PTPRC: variants seen among roughly 807,000 people sequenced by gnomAD.
PTPRC encodes protein tyrosine phosphatase receptor type C.
PTPRC carries 44 observed loss-of-function variants against 155.9 expected under a neutral mutation model. The observed-to-expected ratio is 0.28, with a 90% CI of 0.22 to 0.36. The LOEUF (loss-of-function observed/expected upper bound fraction) is 0.36, where lower values mean the gene tolerates loss of function less well. Among genes scored for constraint, PTPRC ranks in the 10% least tolerant of loss-of-function variants. The pLI, the probability that PTPRC is intolerant of heterozygous loss-of-function variation, is 1.00. For synonymous variants in PTPRC, 525 were observed against 533.1 expected (o/e 0.98, Z 0.21); for missense variants, 1,401 against 1,564.6 (o/e 0.90, Z 1.76).
chr1:198,702,677 C>A (rs1405600287), intron 6 of PTPRC, 147 bp downstream of exon 6: 8 of 1,061,284 alleles, frequency 7.5e-6, no homozygotes, highest in Non-Finnish European at 9.9e-6. Flanking sequence ...CCAAATTATG[C>A]AAAAGAAACT....
At chr1:198,647,025 AT>A (rs1237396405) in intron 2 of PTPRC, among the ~76,000 whole-genome samples, 1 of 151,752 alleles carries the variant, frequency 6.6e-6, no homozygotes, top group Non-Finnish European at 1.5e-5. Flanking sequence ...TGTAACTTGC[AT>A]TTTTCTAAAA....
chr1:198,714,929 C>T (rs1215802361), intron 12 of PTPRC, among the ~76,000 whole-genome samples: 1 of 151,982 alleles, frequency 6.6e-6, no homozygotes, highest in Non-Finnish European at 1.5e-5. Flanking sequence ...ATGCAATTGA[C>T]ATTAATTTAG....
At chr1:198,695,777 T>A (rs1323740211) in intron 3 of PTPRC, among the ~76,000 whole-genome samples, 1 of 152,240 alleles carries the variant, frequency 6.6e-6, no homozygotes, top group African/African-American at 2.4e-5. Flanking sequence ...TTGTAGACTT[T>A]GGTTGTTTGT....
intron 2 of PTPRC, among the ~76,000 whole-genome samples, chr1:198,650,251 C>A (rs893903335): frequency 6.6e-6 from 1 of 151,786 alleles, no homozygotes; most frequent in Non-Finnish European, 1.5e-5. Context: ...AGGGAAGGAA[C>A]CATTTTAAGT....
chr1:198,696,684 C>G (rs376620516), intron 3 of PTPRC, 28 bp from the exon 4 acceptor site: 4 of 1,574,210 alleles, frequency 2.5e-6, no homozygotes, highest in Non-Finnish European at 3.5e-6. Flanking sequence ...TTTATTTTGT[C>G]CTTCTCCCAT....
At chr1:198,718,381 A>C (rs1413236797) in intron 14 of PTPRC, 79 bp downstream of exon 14, 2 of 1,136,580 alleles carry the variant, frequency 1.8e-6, no homozygotes, top group Non-Finnish European at 2.6e-6. Context: ...TAACTTTAAG[A>C]CCACTGCTCA....
intron 2 of PTPRC, among the ~76,000 whole-genome samples, chr1:198,642,714 G>C (rs549372340): frequency 6.6e-6 from 1 of 151,682 alleles, no homozygotes; most frequent in African/African-American, 2.4e-5. Context: ...TTTTTAATCA[G>C]TCTGAAGTCT....
chr1:198,649,577 G>A lies in PTPRC; in HGVS notation c.73+10236G>A, dbSNP rs12044356. 2.6e-3 allele frequency among the ~76,000 whole-genome samples: 389 copies of A among 151,870 alleles called. 10 individuals carry two copies. The East Asian group carries it at 0.064, about 25-fold the overall frequency. On this transcript the variant is annotated intron_variant, in intron 2 of 32. Coordinates refer to ENST00000442510, the MANE Select transcript of PTPRC (RefSeq NM_002838.5). Reference sequence around the variant, plus strand: ...GAAGTCAGTCTTTGAAATCTTGCCCGGATTCCATTCCAGTTTCATCATTGG... The same window carrying A: ...GAAGTCAGTCTTTGAAATCTTGCCCAGATTCCATTCCAGTTTCATCATTGG...
At chr1:198,671,822 C>T (rs932657618) in intron 2 of PTPRC, among the ~76,000 whole-genome samples, 1 of 152,170 alleles carries the variant, frequency 6.6e-6, no homozygotes, top group Non-Finnish European at 1.5e-5. Context: ...TCAGCATTGA[C>T]TGACAAAGAA....
intron 15 of PTPRC, among the ~76,000 whole-genome samples, chr1:198,725,454 C>A (rs1400108147): frequency 6.6e-6 from 1 of 152,026 alleles, no homozygotes; most frequent in Admixed American, 6.6e-5. Flanking sequence ...AATTAATCCC[C>A]AGAAATTAAT....
At chr1:198,684,748 C>G (rs1429686901) in intron 2 of PTPRC, among the ~76,000 whole-genome samples, 1 of 151,874 alleles carries the variant, frequency 6.6e-6, no homozygotes, top group Non-Finnish European at 1.5e-5. Flanking sequence ...TAACCTCTTG[C>G]TCTTTGTTCA....
At position 198,756,223 on chromosome 1, in the gene PTPRC, G is replaced by A; in HGVS notation, c.*42G>A. 1 of 1,609,146 alleles carries A rather than the reference G, an allele frequency of 6.2e-7. No homozygotes were observed. Among genetic ancestry groups the A allele is most frequent in the South Asian group, 1.1e-5 (1 of 90,796 alleles). On this transcript the variant is annotated 3_prime_UTR_variant, in exon 33 of 33. Transcript: ENST00000442510. The stretch of plus-strand genomic sequence containing the variant: ...GGAAACTCCAAACCTCCTGTTAGCT[G>A]TTATTTCTATTTTTGTAGAAGTAGG...
At chr1:198,642,909 T>C (rs1477745120) in intron 2 of PTPRC, among the ~76,000 whole-genome samples, 2 of 119,800 alleles carry the variant, frequency 1.7e-5, no homozygotes, top group Non-Finnish European at 3.6e-5. Flanking sequence ...TCTTTCTTCC[T>C]TTCTTTCTTT....
intron 3 of PTPRC, chr1:198,695,098 T>C (rs1666129532): frequency 2.2e-6 from 2 of 912,818 alleles, no homozygotes; most frequent in Admixed American, 6.2e-5. Context: ...TGAAGTTCAA[T>C]TGAATTTTAT....
In PTPRC at chr1:198,709,770, T is replaced by C. The variant is rs1428550336; in HGVS notation, c.1117T>C (p.Tyr373His). 6.2e-7 allele frequency: 1 copy of C among 1,612,642 alleles called. No individual in the cohort carries two copies. Among genetic ancestry groups the C allele is most frequent in the Non-Finnish European group, 8.5e-7 (1 of 1,179,306 alleles). ...GTATAAGTGTGACTCAGAAATACTC[T>C]ATAATAACCACAAGTTTACTAACGC... ...HEYKCDSEIL[Y>H]NNHKFTNASK... Residue 373 changes from tyrosine (Y) to histidine (H), a missense_variant, in exon 11 of 33, where the codon TAT becomes CAT. Transcript: ENST00000442510.
At chr1:198,750,694 G>A in intron 29 of PTPRC, 68 bp downstream of exon 29, 1 of 1,569,928 alleles carries the variant, frequency 6.4e-7, no homozygotes, top group Non-Finnish European at 8.8e-7. Flanking sequence ...GTCTTGGATT[G>A]CTTGCTTCAT....
chr1:198,734,313 T>A lies in PTPRC; in HGVS notation c.2180-15T>A. The stretch of plus-strand genomic sequence containing the variant: ...GAAAATTTTTCTTATCAGCTTTTAT[T>A]TGTTTACCTCCTAGGTCCCAGGGAT... On this transcript the variant is annotated splice_polypyrimidine_tract_variant and intron_variant, in intron 21 of 32. Transcript: ENST00000442510. 6.2e-7 allele frequency: 1 copy of A among 1,610,904 alleles called. No individual in the cohort carries two copies. Among genetic ancestry groups the A allele is most frequent in the South Asian group, 1.1e-5 (1 of 90,974 alleles).
At chr1:198,747,238 A>G (rs1655173813) in intron 26 of PTPRC, among the ~76,000 whole-genome samples, 1 of 149,344 alleles carries the variant, frequency 6.7e-6, no homozygotes, top group Non-Finnish European at 1.5e-5. Context: ...AAAAGGGGAA[A>G]GGGTAGTTCA....
chr1:198,713,082 G>A lies in PTPRC; in HGVS notation c.1291+10G>A, dbSNP rs779739224. 1 of 1,613,298 alleles carries A rather than the reference G, an allele frequency of 6.2e-7. No homozygotes were observed. On this transcript the variant is annotated intron_variant, in intron 12 of 32. Coordinates refer to ENST00000442510, the MANE Select transcript of PTPRC (RefSeq NM_002838.5). ...TATATAAAAGAGACAGGTAATTTGTGTAGAATTTAATTTCATCAGAAAAGA... is the reference window on the plus strand; with the variant it reads ...TATATAAAAGAGACAGGTAATTTGTATAGAATTTAATTTCATCAGAAAAGA...
Sources: gnomAD v4.1 joint callset for allele counts (sites outside exome capture counted in the v4.1 genomes callset) on GRCh38, gnomAD v4.1.1 for gene constraint, MANE v1.5 for transcripts, NCBI Gene and HGNC (gene_info 2026-07-23, HGNC 2026-07-21) for gene names.